PLXNC1: variants seen among roughly 807,000 people sequenced by gnomAD.
The protein encoded by PLXNC1 is plexin C1.
Under a neutral mutation model 178.2 loss-of-function variants are expected in PLXNC1, and 75 were observed. That is an observed-to-expected ratio of 0.42 (90% CI 0.35 to 0.51). PLXNC1 has a LOEUF of 0.51. Among genes scored for constraint, PLXNC1 ranks in the 20% least tolerant of loss-of-function variants. PLXNC1 has a pLI of 0.02. For missense variants in PLXNC1, 1,503 were observed against 1,984.4 expected, an observed-to-expected ratio of 0.76 and a Z score of 4.61; for synonymous variants, 790 against 779.9, an observed-to-expected ratio of 1.01 and a Z score of -0.22.
chr12:94,235,971 G>C (rs11107473), intron 9 of PLXNC1, among the ~76,000 whole-genome samples: 1 of 152,114 alleles, frequency 6.6e-6, no homozygotes, highest in Non-Finnish European at 1.5e-5. Flanking sequence ...CTGTCACCAC[G>C]TAAGAGCGAA....
At chr12:94,237,025 A>G (rs1389222798) in intron 9 of PLXNC1, among the ~76,000 whole-genome samples, 1 of 152,220 alleles carries the variant, frequency 6.6e-6, no homozygotes, top group Non-Finnish European at 1.5e-5. Context: ...TCTTGACCTT[A>G]GGCCTGATAA....
chr12:94,304,599 C>A (rs910905320), intron 30 of PLXNC1, among the ~76,000 whole-genome samples: 4 of 152,096 alleles, frequency 2.6e-5, no homozygotes, highest in African/African-American at 7.2e-5. Flanking sequence ...CTGATTCCCC[C>A]CCAATCATGC....
At position 94,149,734 on chromosome 12, in the gene PLXNC1, A is replaced by G; in HGVS notation, c.763A>G (p.Ser255Gly). ...YFPYYPYNYT[S>G]GAATGWPSMA... The stretch of plus-strand genomic sequence containing the variant: ...CCCCTACTACCCCTACAACTACACG[A>G]GCGGCGCTGCCACCGGCTGGCCCAG... Residue 255 changes from serine (S) to glycine (G), a missense_variant, in exon 1 of 31, where the codon AGC (serine) becomes GGC (glycine). Transcript: ENST00000258526. The G allele has an allele frequency of 6.2e-7, 1 of 1,611,650 alleles. No homozygotes were observed. Among genetic ancestry groups the G allele is most frequent in the South Asian group, 1.1e-5 (1 of 90,890 alleles).
chr12:94,184,638 C>G (rs570464907), intron 3 of PLXNC1, among the ~76,000 whole-genome samples: 1 of 152,246 alleles, frequency 6.6e-6, no homozygotes, highest in Non-Finnish European at 1.5e-5. Flanking sequence ...GTCTCCAACT[C>G]CAGGCCTGAA....
At chr12:94,216,209 A>C (rs1425887462) in intron 5 of PLXNC1, among the ~76,000 whole-genome samples, 1 of 151,954 alleles carries the variant, frequency 6.6e-6, no homozygotes, top group African/African-American at 2.4e-5. Flanking sequence ...TGAAGGTTGC[A>C]GTGAACCAAG....
At chr12:94,245,230 G>T (rs1248823821) in intron 12 of PLXNC1, among the ~76,000 whole-genome samples, 1 of 152,234 alleles carries the variant, frequency 6.6e-6, no homozygotes, top group Non-Finnish European at 1.5e-5. Flanking sequence ...ACCTGAGTTT[G>T]TCACGGACTT....
chr12:94,180,103 T>G (rs1287979845), intron 2 of PLXNC1, among the ~76,000 whole-genome samples: 1 of 152,176 alleles, frequency 6.6e-6, no homozygotes, highest in Non-Finnish European at 1.5e-5. Context: ...TCTTGCTCCT[T>G]GACCCAAAGC....
At chr12:94,226,810 G>A in intron 8 of PLXNC1, 103 bp downstream of exon 8, 2 of 827,856 alleles carry the variant, frequency 2.4e-6, no homozygotes, top group African/African-American at 1.7e-5. Context: ...GATCAATTGA[G>A]GTCAGGAGTT....
rs763340906 is a variant in PLXNC1, at chr12:94,305,325, A to T, written c.*40A>T. 7.9e-7 allele frequency: 1 copy of T among 1,268,156 alleles called. No homozygotes were observed. Among genetic ancestry groups the T allele is most frequent in the South Asian group, 1.3e-5 (1 of 78,628 alleles). 78.6% of individuals were successfully genotyped at this position (1,268,156 alleles called of 1,614,324 possible). Reference sequence around the variant, plus strand: ...GGCTTAATCTGGCAAAGTTCTTCAGACGACTTGGGAGCAAAATGGCTGCTT... The same window carrying T: ...GGCTTAATCTGGCAAAGTTCTTCAGTCGACTTGGGAGCAAAATGGCTGCTT... On this transcript the variant is annotated 3_prime_UTR_variant, in exon 31 of 31. Transcript: ENST00000258526.
chr12:94,236,267 A>T (rs1001440102), intron 9 of PLXNC1, among the ~76,000 whole-genome samples: 8 of 152,238 alleles, frequency 5.3e-5, no homozygotes, highest in African/African-American at 1.7e-4. Context: ...AATTTACCTC[A>T]ATCTGCAAAA....
chr12:94,240,595 C>T lies in PLXNC1; in HGVS notation c.2231C>T (p.Ser744Phe). 6.2e-7 allele frequency: 1 copy of T among 1,613,746 alleles called. No homozygotes were observed. The highest frequency in any genetic ancestry group is 8.5e-7 in the Non-Finnish European group (1 of 1,179,590). The stretch of plus-strand genomic sequence containing the variant: ...CAGTTTGATGGTGGGAACTGCTCTT[C>T]TGTGGGATCCTTATCCTACATTGCT... ...CIQFDGGNCS[S>F]VGSLSYIALP... The change falls in exon 11 of 31, where the codon TCT (serine) becomes TTT (phenylalanine). Residue 744 changes from serine to phenylalanine, a missense_variant. Around this residue, in one of 4 missense-constraint regions of PLXNC1, gnomAD observed 615 missense variants for 698.6 expected, o/e 0.88. Coordinates refer to ENST00000258526, the MANE Select transcript of PLXNC1 (RefSeq NM_005761.3).
chr12:94,286,705 A>G (rs1966848611), intron 23 of PLXNC1, among the ~76,000 whole-genome samples: 1 of 151,536 alleles, frequency 6.6e-6, no homozygotes, highest in African/African-American at 2.4e-5. Flanking sequence ...CCCTCCAATT[A>G]GTCCACATTA....
At chr12:94,226,183 C>T (rs1461144659) in intron 7 of PLXNC1, among the ~76,000 whole-genome samples, 1 of 152,220 alleles carries the variant, frequency 6.6e-6, no homozygotes, top group Non-Finnish European at 1.5e-5. Context: ...CACTTTCTGT[C>T]TCACATCTTC....
chr12:94,258,527 A>C (rs1592820366), intron 17 of PLXNC1, among the ~76,000 whole-genome samples: 1 of 152,242 alleles, frequency 6.6e-6, no homozygotes, highest in South Asian at 2.1e-4. Flanking sequence ...ATTGCTTAAC[A>C]TACTTTTAAA....
chr12:94,171,315 T>C (rs1447419869), intron 2 of PLXNC1, among the ~76,000 whole-genome samples: 2 of 152,190 alleles, frequency 1.3e-5, no homozygotes, highest in Non-Finnish European at 2.9e-5. Flanking sequence ...CTGTGTGGCC[T>C]CGTTGTTTTT....
At chr12:94,207,155 T>G (rs1317408778) in intron 4 of PLXNC1, among the ~76,000 whole-genome samples, 1 of 152,218 alleles carries the variant, frequency 6.6e-6, no homozygotes, top group Non-Finnish European at 1.5e-5. Flanking sequence ...TGTCATGGTT[T>G]GCTTTTTATT....
chr12:94,175,865 C>T (rs776769654), intron 2 of PLXNC1, among the ~76,000 whole-genome samples: 3 of 152,070 alleles, frequency 2.0e-5, no homozygotes, highest in African/African-American at 7.2e-5. Context: ...GATTAATCAG[C>T]GATAAAGACA....
chr12:94,169,431 A>G (rs1592727866), intron 2 of PLXNC1, 138 bp downstream of exon 2: 1 of 675,016 alleles, frequency 1.5e-6, no homozygotes, highest in South Asian at 2.0e-5. Flanking sequence ...ACCCCCAGAA[A>G]TGGCCTGGAA....
chr12:94,150,782 G>A (rs1227129701), intron 1 of PLXNC1: 2 of 152,290 alleles, frequency 1.3e-5, no homozygotes, highest in Non-Finnish European at 2.9e-5. Context: ...AAGGGAAAGT[G>A]TTGGGGGTGC....
Sources: gnomAD v4.1 joint callset for allele counts (sites outside exome capture counted in the v4.1 genomes callset) on GRCh38, gnomAD v4.1.1 for gene constraint, gnomAD v4.1.1 regional missense constraint, MANE v1.5 for transcripts, NCBI Gene and HGNC (gene_info 2026-07-23, HGNC 2026-07-21) for gene names.